Variants in GRM4 observed in about 807,000 individuals in gnomAD.
The protein encoded by GRM4 is glutamate metabotropic receptor 4, also known as metabotropic glutamate receptor 4.
Under a neutral mutation model 81.7 loss-of-function variants are expected in GRM4, and 28 were observed. The ratio of observed to expected loss-of-function variants is 0.34; its 90% CI spans 0.25 to 0.47. GRM4 has a LOEUF of 0.47. Ranked by LOEUF, GRM4 falls within the 20% of genes least tolerant of loss-of-function variation. GRM4 has a pLI of 1.00. For missense variants in GRM4, 948 were observed against 1,290.0 expected (o/e 0.73, Z 4.06); for synonymous variants, 488 against 528.8 (o/e 0.92, Z 1.06).
At chr6:34,129,572 G>A (rs921057597) in intron 2 of GRM4, among the ~76,000 whole-genome samples, 2 of 152,194 alleles carry the variant, frequency 1.3e-5, no homozygotes. Flanking sequence ...TGGGAGCAGG[G>A]AAGTTAGGGA....
chr6:34,072,354 AC>A (rs1766958451), intron 3 of GRM4, among the ~76,000 whole-genome samples: 2 of 149,508 alleles, frequency 1.3e-5, no homozygotes, highest in African/African-American at 2.5e-5. Context: ...TGCACACCAC[AC>A]ACACATCCTT....
chr6:34,065,503 C>T (rs1766410212), intron 3 of GRM4, among the ~76,000 whole-genome samples: 1 of 152,224 alleles, frequency 6.6e-6, no homozygotes, highest in Admixed American at 6.5e-5. Context: ...CCCCAGGCTC[C>T]AGGCACAGGA....
At chr6:34,094,690 G>T (rs941646776) in intron 2 of GRM4, among the ~76,000 whole-genome samples, 2 of 152,102 alleles carry the variant, frequency 1.3e-5, no homozygotes, top group African/African-American at 4.8e-5. Flanking sequence ...CCTCTGCTGG[G>T]CCCTAGCCAG....
chr6:34,123,868 C>G (rs1769913886), intron 2 of GRM4, among the ~76,000 whole-genome samples: 1 of 152,214 alleles, frequency 6.6e-6, no homozygotes, highest in Non-Finnish European at 1.5e-5. Flanking sequence ...CCCTTCCTCT[C>G]TCTGGTCTCC....
intron 2 of GRM4, among the ~76,000 whole-genome samples, chr6:34,125,726 G>C (rs368329516): frequency 1.3e-5 from 2 of 152,234 alleles, no homozygotes; most frequent in Non-Finnish European, 2.9e-5. Context: ...CTCCTTCCAC[G>C]TCCCTTCCCC....
At chr6:34,082,126 G>A (rs150702093) in intron 3 of GRM4, among the ~76,000 whole-genome samples, 3 of 150,654 alleles carry the variant, frequency 2.0e-5, no homozygotes, top group East Asian at 4.1e-4. Flanking sequence ...GGGAGCCTGC[G>A]GGACAGATCC....
chr6:34,123,727 G>A (rs936017190), intron 2 of GRM4, among the ~76,000 whole-genome samples: 4 of 152,230 alleles, frequency 2.6e-5, no homozygotes, highest in Admixed American at 2.0e-4. Flanking sequence ...TACACACAAG[G>A]AAACGGGGGC....
intron 6 of GRM4, 102 bp downstream of exon 6, chr6:34,056,442 C>CCGGG: frequency 9.0e-7 from 1 of 1,106,678 alleles, no homozygotes; most frequent in Non-Finnish European, 1.3e-6. Context: ...CCACGGCCGG[C>CCGGG]CGACGACAGA....
Position 34,059,614 on chromosome 6 carries a change from C to T in GRM4, c.873-486G>A, listed in dbSNP as rs568245874. The T allele has an allele frequency of 4.7e-4, 79 of 169,518 alleles. No homozygotes were observed. The highest frequency in any genetic ancestry group is 1.5e-3 in the African/African-American group (65 of 41,956). 10.5% of individuals were successfully genotyped at this position (169,518 alleles called of 1,614,324 possible). A position where few individuals can be genotyped will look rare whatever the true frequency, so the allele number is the denominator to read the frequency against. On this transcript the variant is annotated intron_variant, in intron 4 of 10. Coordinates refer to ENST00000538487, the MANE Select transcript of GRM4 (RefSeq NM_000841.4). This position sits in a 1 kb window ranked among gnomAD's most constrained non-coding sequence, Gnocchi z 5.7. ...ACATGCTGCCTTCTGCCCACAGCTC[C>T]CTCTTCATTCACCGCCCTCTGTGCC...
rs993472226 is a variant in GRM4 at position 34,047,700 on chromosome 6, T to A, written c.1169-6952A>T. Among the ~76,000 whole-genome samples the A allele has an allele frequency of 6.6e-6, 1 of 152,120 alleles. No individual in the cohort carries two copies. Among genetic ancestry groups the A allele is most frequent in the African/African-American group, 2.4e-5 (1 of 41,422 alleles). On this transcript the variant is annotated intron_variant, in intron 6 of 10. Coordinates refer to ENST00000538487, the MANE Select transcript of GRM4 (RefSeq NM_000841.4). This position sits in a 1 kb window ranked among gnomAD's most constrained non-coding sequence, Gnocchi z 4.5. ...CAACACCAACTCCTTCCAGTCCCAG[T>A]GAATGATGCATCCAGGTGTTTCGAG...
chr6:34,108,384 G>A (rs1769220470), intron 2 of GRM4, among the ~76,000 whole-genome samples: 1 of 152,366 alleles, frequency 6.6e-6, no homozygotes, highest in Non-Finnish European at 1.5e-5. Context: ...ACCTGTTGCA[G>A]ACAGAGCTGC....
At position 34,069,622 on chromosome 6, in the gene GRM4, G is replaced by A. The variant is rs1049828795; in HGVS notation, c.737-7594C>T. ...GTCTCCAGCCCCTCAACACACTCCC[G>A]GCTTTACAACCCTTGGCAGCCCCCA... On this transcript the variant is annotated intron_variant, in intron 3 of 10. Transcript: ENST00000538487. This position sits in a 1 kb window ranked among gnomAD's most constrained non-coding sequence, Gnocchi z 6.4. Among the ~76,000 whole-genome samples, 4 of 149,784 alleles carry A rather than the reference G, an allele frequency of 2.7e-5. No homozygotes were observed. Among genetic ancestry groups the A allele is most frequent in the Non-Finnish European group, 4.4e-5 (3 of 67,686 alleles).
chr6:34,131,212 AG>A (rs2127510149), intron 2 of GRM4, among the ~76,000 whole-genome samples: 1 of 152,358 alleles, frequency 6.6e-6, no homozygotes, highest in South Asian at 2.1e-4. Context: ...AGATGATCAC[AG>A]CGACACAGCC....
chr6:34,112,654 A>G (rs1769433450), intron 2 of GRM4, among the ~76,000 whole-genome samples: 1 of 151,922 alleles, frequency 6.6e-6, no homozygotes, highest in East Asian at 1.9e-4. Flanking sequence ...CCTGGCCCCA[A>G]CTTCTTGGTG....
rs188921605 is a variant in GRM4, at chr6:34,082,392, A to C, written c.736+9491T>G. On this transcript the variant is annotated intron_variant, in intron 3 of 10. Coordinates refer to ENST00000538487, the MANE Select transcript of GRM4 (RefSeq NM_000841.4). ...GAACAAGACACACAGGAAGCCAGAG[A>C]CCAACTGTGGTGCTTGACCCTCCAT... Among the ~76,000 whole-genome samples the C allele has an allele frequency of 7.2e-3, 1,102 of 152,336 alleles. 7 individuals carry two copies. The highest frequency in any genetic ancestry group is 0.014 in the South Asian group (67 of 4,828).
Position 34,034,447 on chromosome 6 carries a change from T to C in GRM4, c.2442+1221A>G, listed in dbSNP as rs1323578622. Reference sequence around the variant, plus strand: ...TCTCCTGCAGAGCATGACAGTGACCTTCTCACAGCTGCTCTTGGCAGCCAG... The same window carrying C: ...TCTCCTGCAGAGCATGACAGTGACCCTCTCACAGCTGCTCTTGGCAGCCAG... On this transcript the variant is annotated intron_variant, in intron 9 of 10. Transcript: ENST00000538487. The surrounding 1 kb of genome is among the most constrained non-coding windows in gnomAD (Gnocchi z 4.0). 1.3e-5 allele frequency among the ~76,000 whole-genome samples: 2 copies of C among 152,226 alleles called. No individual in the cohort carries two copies. Among genetic ancestry groups the C allele is most frequent in the Admixed American group, 1.3e-4 (2 of 15,290 alleles).
At position 34,106,566 on chromosome 6, in the gene GRM4, C is replaced by T. The variant is rs866667795; in HGVS notation, c.520-14467G>A. On this transcript the variant is annotated intron_variant, in intron 2 of 10. Transcript: ENST00000538487. ...CCACCCTCCCCCTCACTCACCCTGT[C>T]CAGCCACTCCAACGTCCATGTTGTT... Among the ~76,000 whole-genome samples, 5 of 152,334 alleles carry T rather than the reference C, an allele frequency of 3.3e-5. No individual in the cohort carries two copies. In the Middle Eastern group the frequency reaches 0.01, roughly 311 times the overall value.
intron 2 of GRM4, among the ~76,000 whole-genome samples, chr6:34,120,526 C>A (rs1028350307): frequency 6.6e-6 from 1 of 152,184 alleles, no homozygotes; most frequent in Admixed American, 6.5e-5. Context: ...AAAGTACTTA[C>A]AAGGCACTTA....
chr6:34,088,690 C>A (rs544010895), intron 3 of GRM4, among the ~76,000 whole-genome samples: 2 of 152,296 alleles, frequency 1.3e-5, no homozygotes, highest in African/African-American at 2.4e-5. Flanking sequence ...CCTAGGCAAG[C>A]CACATCACTT....
Sources: gnomAD v4.1 joint callset for allele counts (sites outside exome capture counted in the v4.1 genomes callset) on GRCh38, gnomAD v4.1.1 for gene constraint, Gnocchi (gnomAD v3.1) non-coding constraint, MANE v1.5 for transcripts, NCBI Gene and HGNC (gene_info 2026-07-23, HGNC 2026-07-21) for gene names.